GAB4: variants seen among roughly 807,000 people sequenced by gnomAD.
GAB4 encodes GRB2 associated binding protein family member 4.
GAB4 carries 26 observed loss-of-function variants against 51.3 expected under a neutral mutation model. The ratio of observed to expected loss-of-function variants is 0.51; its 90% CI spans 0.37 to 0.70. GAB4 has a LOEUF of 0.70. GAB4 is among the 30% of genes least tolerant of loss of function. The probability of loss-of-function intolerance (pLI) is 0.00; values close to 1 mark genes in which losing one functional copy is unlikely to be tolerated. For missense variants in GAB4, 759 were observed against 734.6 expected, an observed-to-expected ratio of 1.03 and a Z score of -0.38; for synonymous variants, 329 against 291.2, an observed-to-expected ratio of 1.13 and a Z score of -1.32.
chr22:16,970,046 C>T lies in GAB4; in HGVS notation c.834G>A (p.Gln278=). 6.2e-7 allele frequency: 1 copy of T among 1,614,162 alleles called. No individual in the cohort carries two copies. Among genetic ancestry groups the T allele is most frequent in the Non-Finnish European group, 8.5e-7 (1 of 1,180,028 alleles). ...HGFHSLSKPS[Q]HNAEFRGSTH... is the part of the protein sequence containing the mutation. Reference sequence around the variant, plus strand: ...TGCTGCCTCTGAATTCTGCATTGTGCTGGCTGGGCTTGGAAAGGCTATGGA... The same window carrying T: ...TGCTGCCTCTGAATTCTGCATTGTGTTGGCTGGGCTTGGAAAGGCTATGGA... The change falls in exon 4 of 10, where the codon CAG becomes CAA. Residue 278 remains glutamine, a synonymous_variant. Coordinates refer to ENST00000400588, the MANE Select transcript of GAB4 (RefSeq NM_001037814.1).
intron 1 of GAB4, among the ~76,000 whole-genome samples, chr22:16,998,163 T>C (rs1306629178): frequency 6.6e-6 from 1 of 152,224 alleles, no homozygotes; most frequent in Non-Finnish European, 1.5e-5. Flanking sequence ...TTAAAGTAGT[T>C]TTTTCCAATT....
intron 4 of GAB4, 151 bp from the exon 5 acceptor site, chr22:16,968,534 C>G: frequency 3.1e-6 from 2 of 646,140 alleles, no homozygotes; most frequent in South Asian, 1.7e-5. Flanking sequence ...CTAACACATC[C>G]CTGCTCCCTA....
At chr22:16,995,317 T>A (rs2060942519) in intron 1 of GAB4, among the ~76,000 whole-genome samples, 1 of 152,200 alleles carries the variant, frequency 6.6e-6, no homozygotes, top group South Asian at 2.1e-4. Context: ...CCAGTCTTCA[T>A]CCTCCCAACA....
intron 3 of GAB4, among the ~76,000 whole-genome samples, chr22:16,977,241 G>A (rs562896647): frequency 6.6e-6 from 1 of 151,966 alleles, no homozygotes; most frequent in East Asian, 1.9e-4. Context: ...TGGATAAAGA[G>A]TCAAGACCCA....
chr22:17,001,200 G>T (rs2060994905), intron 1 of GAB4, among the ~76,000 whole-genome samples: 1 of 152,266 alleles, frequency 6.6e-6, no homozygotes, highest in South Asian at 2.1e-4. Context: ...TGCTAGGTTG[G>T]GGAAATTCTC....
chr22:16,962,702 C>A lies in GAB4; in HGVS notation c.*31G>T. ...TGGCGGAGCAGCTCTGAGGCACTGT[C>A]CTGGCCCCACTCTGGTTTTGGTGGC... On this transcript the variant is annotated 3_prime_UTR_variant, in exon 10 of 10. Coordinates refer to ENST00000400588, the MANE Select transcript of GAB4 (RefSeq NM_001037814.1). 2 of 1,599,458 alleles carry A rather than the reference C, an allele frequency of 1.3e-6. No homozygotes were observed. The highest frequency in any genetic ancestry group is 1.7e-6 in the Non-Finnish European group (2 of 1,175,232).
intron 3 of GAB4, among the ~76,000 whole-genome samples, chr22:16,980,615 T>C (rs2060819311): frequency 6.6e-6 from 1 of 152,212 alleles, no homozygotes; most frequent in African/African-American, 2.4e-5. Context: ...CTCGAGGATC[T>C]AGAACCAGAA....
At chr22:17,005,689 A>G (rs1307928648) in intron 1 of GAB4, among the ~76,000 whole-genome samples, 1 of 152,198 alleles carries the variant, frequency 6.6e-6, no homozygotes, top group Admixed American at 6.5e-5. Flanking sequence ...CTCAGAAATA[A>G]CACCACACAT....
At chr22:16,968,491 C>T (rs773688895) in intron 4 of GAB4, 108 bp from the exon 5 acceptor site, 11 of 763,980 alleles carry the variant, frequency 1.4e-5, no homozygotes, top group Middle Eastern at 2.5e-4. Flanking sequence ...CTAGAGGACA[C>T]GACTCTCAAC....
intron 2 of GAB4, 106 bp downstream of exon 2, chr22:16,991,766 GC>G (rs1430971613): frequency 2.1e-6 from 2 of 945,806 alleles, no homozygotes; most frequent in Non-Finnish European, 3.2e-6. Flanking sequence ...TTCATCACGA[GC>G]CCAACACTTC....
rs184309697 is a variant in GAB4, at chr22:16,988,280, C to T, written c.479-113G>A. 3.1e-4 allele frequency: 227 copies of T among 742,730 alleles called. No homozygotes were observed. In the East Asian group the frequency reaches 5.6e-3, roughly 18 times the overall value. The allele number at this position is 742,730 out of a possible 1,614,324, so 46.0% of individuals were successfully genotyped here. On this transcript the variant is annotated intron_variant, in intron 2 of 9. Transcript: ENST00000400588. ...GCACCAGCACTCTTCCTCTCACATG[C>T]CTGCCTCCTCTGTCCTCCCAGAGGA...
Position 16,970,049 on chromosome 22 carries a change from G to C in GAB4, c.831C>G (p.Ser277Arg). The C allele has an allele frequency of 6.2e-7, 1 of 1,614,222 alleles. No individual in the cohort carries two copies. Among genetic ancestry groups the C allele is most frequent in the Non-Finnish European group, 8.5e-7 (1 of 1,180,032 alleles). Residue 277 changes from serine (S) to arginine (R), a missense_variant, in exon 4 of 10, where the codon AGC (serine) becomes AGG (arginine). Coordinates refer to ENST00000400588, the MANE Select transcript of GAB4 (RefSeq NM_001037814.1). ...TGCCTCTGAATTCTGCATTGTGCTG[G>C]CTGGGCTTGGAAAGGCTATGGAAGC... ...IHGFHSLSKP[S>R]QHNAEFRGST...
intron 3 of GAB4, among the ~76,000 whole-genome samples, chr22:16,986,607 T>A (rs1408701368): frequency 6.6e-6 from 1 of 152,220 alleles, no homozygotes; most frequent in East Asian, 1.9e-4. Flanking sequence ...GAACCTCAAT[T>A]TGAAACCATA....
At position 17,002,098 on chromosome 22, in the gene GAB4, C is replaced by A. The variant is rs774187233; in HGVS notation, c.174+5843G>T. On this transcript the variant is annotated intron_variant, in intron 1 of 9. Coordinates refer to ENST00000400588, the MANE Select transcript of GAB4 (RefSeq NM_001037814.1). The stretch of plus-strand genomic sequence containing the variant: ...TTGCCAGGAAAGGGAATTCCCTGAC[C>A]CCTTGTGCTTCCCGGGTGAGGCAAT... Among the ~76,000 whole-genome samples the A allele has an allele frequency of 3.2e-4, 49 of 152,126 alleles. 1 individual carries two copies. The highest frequency in any genetic ancestry group is 5.6e-4 in the Non-Finnish European group (38 of 68,022).
At position 17,008,139 on chromosome 22, in the gene GAB4, TG is replaced by T; in HGVS notation, c.-26del. ...TGGGGGCTGCAGCTCACAGTGAAGG[TG>T]GGGGAGACAGGGCGAGAGGGCGTTG... On this transcript the variant is annotated 5_prime_UTR_variant, in exon 1 of 10. Transcript: ENST00000400588. 1.3e-6 allele frequency: 2 copies of T among 1,542,880 alleles called. No homozygotes were observed. Among genetic ancestry groups the T allele is most frequent in the Non-Finnish European group, 1.8e-6 (2 of 1,129,754 alleles).
chr22:16,990,329 G>A (rs2060903769), intron 2 of GAB4, among the ~76,000 whole-genome samples: 1 of 152,132 alleles, frequency 6.6e-6, no homozygotes, highest in East Asian at 1.9e-4. Context: ...ACTCAGTGAG[G>A]GCAGAGATTT....
At chr22:16,991,815 G>A in intron 2 of GAB4, 58 bp downstream of exon 2, 2 of 1,389,198 alleles carry the variant, frequency 1.4e-6, no homozygotes, top group South Asian at 2.6e-5. Flanking sequence ...CTCCTTGCTG[G>A]AGATTGGAGG....
chr22:16,962,446 TGAG>T lies in GAB4; in HGVS notation c.*284_*286del, dbSNP rs2060636725. On this transcript the variant is annotated 3_prime_UTR_variant, in exon 10 of 10. Transcript: ENST00000400588. ...AGCCCAGAGGCTAGAAGGAAGAGGC[TGAG>T]GACCATGAGTAAGTGTGAGAGTGGA... 1 of 278,518 alleles carries T rather than the reference TGAG, an allele frequency of 3.6e-6. No individual in the cohort carries two copies. The highest frequency in any genetic ancestry group is 2.2e-5 in the African/African-American group (1 of 45,878). 17.3% of individuals were successfully genotyped at this position (278,518 alleles called of 1,614,324 possible).
intron 1 of GAB4, among the ~76,000 whole-genome samples, chr22:16,995,071 T>C (rs938811938): frequency 6.6e-6 from 1 of 152,220 alleles, no homozygotes; most frequent in Non-Finnish European, 1.5e-5. Context: ...AACTTTGCAT[T>C]CATCCTATAA....
Sources: allele counts gnomAD v4.1 joint callset (sites outside exome capture counted in the v4.1 genomes callset), GRCh38; gene constraint gnomAD v4.1.1; transcripts MANE v1.5; gene names NCBI Gene and HGNC (gene_info 2026-07-23, HGNC 2026-07-21).